Variants in SLC24A4 observed in about 807,000 individuals in gnomAD.
SLC24A4 encodes the protein solute carrier family 24 member 4.
A neutral mutation model predicts 79.0 loss-of-function variants in SLC24A4; 53 were observed. The observed-to-expected ratio is 0.67, with a 90% CI of 0.54 to 0.84. The LOEUF is 0.84. Ranked by LOEUF, SLC24A4 falls within the 40% of genes least tolerant of loss-of-function variation. The probability of loss-of-function intolerance (pLI) is 0.00; values close to 1 mark genes in which losing one functional copy is unlikely to be tolerated. For synonymous variants in SLC24A4, 323 were observed against 323.8 expected (o/e 1.00, Z 0.03); for missense variants, 731 against 822.0 (o/e 0.89, Z 1.35).
At chr14:92,439,126 C>T (rs1466235502) in intron 3 of SLC24A4, among the ~76,000 whole-genome samples, 1 of 152,216 alleles carries the variant, frequency 6.6e-6, no homozygotes, top group South Asian at 2.1e-4. Flanking sequence ...CTCTACTGCT[C>T]AGCATGTTAT....
At chr14:92,444,707 T>C (rs1435403434) in intron 7 of SLC24A4, among the ~76,000 whole-genome samples, 1 of 152,014 alleles carries the variant, frequency 6.6e-6, no homozygotes. Context: ...GTATAAAAAT[T>C]AGCCGGGTTT....
At position 92,368,346 on chromosome 14, in the gene SLC24A4, C is replaced by A. The variant is rs533283829; in HGVS notation, c.241+42368C>A. 7.2e-5 allele frequency among the ~76,000 whole-genome samples: 11 copies of A among 152,242 alleles called. No homozygotes were observed. In the South Asian group the frequency reaches 2.3e-3, roughly 32 times the overall value. On this transcript the variant is annotated intron_variant, in intron 2 of 16. Transcript: ENST00000532405. The stretch of plus-strand genomic sequence containing the variant: ...TTATAAGACGGGGGCTCCAGTATGA[C>A]GTTGAAAGGATAGGAGACATCCATC...
At chr14:92,402,224 G>A (rs780727106) in intron 2 of SLC24A4, among the ~76,000 whole-genome samples, 1 of 152,142 alleles carries the variant, frequency 6.6e-6, no homozygotes, top group Admixed American at 6.5e-5. Flanking sequence ...AAATACCTCC[G>A]TGAGGCAGGC....
chr14:92,475,741 A>C (rs2139905160), intron 12 of SLC24A4, among the ~76,000 whole-genome samples: 1 of 152,322 alleles, frequency 6.6e-6, no homozygotes, highest in Admixed American at 6.5e-5. Context: ...ACCATGACCT[A>C]CAGGAATATT....
chr14:92,483,651 C>G, intron 13 of SLC24A4: 1 of 1,076,522 alleles, frequency 9.3e-7, no homozygotes, highest in Non-Finnish European at 1.3e-6. Context: ...TGGGCTGGGT[C>G]AGGCCACACA....
intron 2 of SLC24A4, among the ~76,000 whole-genome samples, chr14:92,410,479 C>A (rs554744198): frequency 6.6e-6 from 1 of 152,284 alleles, no homozygotes; most frequent in Admixed American, 6.5e-5. Flanking sequence ...CATACTTTGC[C>A]AGAGCCTAGT....
At chr14:92,435,874 T>G (rs1300100912) in intron 3 of SLC24A4, among the ~76,000 whole-genome samples, 1 of 152,196 alleles carries the variant, frequency 6.6e-6, no homozygotes, top group East Asian at 1.9e-4. Context: ...TAAGGGACTG[T>G]GGATGTGGCT....
At chr14:92,480,621 G>A (rs4904936) in intron 12 of SLC24A4, among the ~76,000 whole-genome samples, 138,390 of 152,196 alleles carry the variant, frequency 0.91, 63,900 homozygotes, top group Non-Finnish European at 0.99. Context: ...GGTATTTTAC[G>A]GCTATGCATT....
intron 9 of SLC24A4, among the ~76,000 whole-genome samples, chr14:92,448,645 C>T (rs902202406): frequency 6.6e-6 from 1 of 152,134 alleles, no homozygotes; most frequent in Non-Finnish European, 1.5e-5. Flanking sequence ...GGGGTGATGG[C>T]AGTGCTGGCT....
intron 2 of SLC24A4, among the ~76,000 whole-genome samples, chr14:92,345,666 C>G (rs1886483123): frequency 6.6e-6 from 1 of 151,980 alleles, no homozygotes; most frequent in Non-Finnish European, 1.5e-5. Flanking sequence ...GGTGCCACTG[C>G]ACTGCGGCCT....
At chr14:92,392,445 G>T (rs1323316706) in intron 2 of SLC24A4, among the ~76,000 whole-genome samples, 3 of 151,972 alleles carry the variant, frequency 2.0e-5, no homozygotes, top group African/African-American at 7.3e-5. Flanking sequence ...GGCCCTGATT[G>T]CTCTGTTGTA....
chr14:92,404,533 A>G (rs1186276648), intron 2 of SLC24A4, among the ~76,000 whole-genome samples: 5 of 152,104 alleles, frequency 3.3e-5, no homozygotes, highest in Non-Finnish European at 5.9e-5. Flanking sequence ...TTTCTCCAAC[A>G]CAGCAGCATG....
At chr14:92,468,135 C>A (rs894177012) in intron 12 of SLC24A4, among the ~76,000 whole-genome samples, 1 of 152,050 alleles carries the variant, frequency 6.6e-6, no homozygotes, top group Non-Finnish European at 1.5e-5. Flanking sequence ...CATTAACAAT[C>A]TGAAAATGAT....
At position 92,500,988 on chromosome 14, in the gene SLC24A4, T is replaced by G. The variant is rs767068328; in HGVS notation, c.*7360T>G. 4.6e-5 allele frequency: 7 copies of G among 152,372 alleles called. No homozygotes were observed. Among genetic ancestry groups the G allele is most frequent in the Non-Finnish European group, 7.3e-5 (5 of 68,056 alleles). 9.4% of individuals were successfully genotyped at this position (152,372 alleles called of 1,614,324 possible). On this transcript the variant is annotated 3_prime_UTR_variant, in exon 17 of 17. Transcript: ENST00000532405. The stretch of plus-strand genomic sequence containing the variant: ...GGGGATGCAGGCTGGGTGTGGTTTC[T>G]GAGGGAACCTACCAAATAGCAGGTA...
rs763958230 is a variant in SLC24A4, at chr14:92,486,820, G to A, written c.1537+40G>A. 8.9e-6 allele frequency: 13 copies of A among 1,462,252 alleles called. No homozygotes were observed. The East Asian group carries it at 1.6e-4, about 18-fold the overall frequency. 90.6% of individuals were successfully genotyped at this position (1,462,252 alleles called of 1,614,324 possible). ...CCAGCCCTCATAGTCATGCAGTGCA[G>A]GCCACTGTGTCCTCGTCCCTGCCTG... is the stretch of plus-strand genomic sequence containing the variant. On this transcript the variant is annotated intron_variant, in intron 14 of 16. Transcript: ENST00000532405.
intron 2 of SLC24A4, among the ~76,000 whole-genome samples, chr14:92,333,075 C>A (rs147184466): frequency 6.6e-6 from 1 of 152,136 alleles, no homozygotes; most frequent in Non-Finnish European, 1.5e-5. Context: ...TCTAACACTG[C>A]CTTTATCCCC....
At chr14:92,385,289 G>T (rs1889087478) in intron 2 of SLC24A4, among the ~76,000 whole-genome samples, 1 of 152,052 alleles carries the variant, frequency 6.6e-6, no homozygotes, top group Non-Finnish European at 1.5e-5. Flanking sequence ...GGCGGATCAC[G>T]AGGCCAGGAG....
At chr14:92,344,226 T>C (rs1886395512) in intron 2 of SLC24A4, among the ~76,000 whole-genome samples, 1 of 152,212 alleles carries the variant, frequency 6.6e-6, no homozygotes, top group East Asian at 1.9e-4. Flanking sequence ...CTCTTGCCGT[T>C]TTCCTTTTCC....
rs116113004 is a variant in SLC24A4 at position 92,388,391 on chromosome 14, G to A, written c.242-45521G>A. Reference sequence around the variant, plus strand: ...CCAGGACCTGGGAGTGAGGTCTGTGGTTCTGTGGCTGCCGGTGCTCAGTCT... The same window carrying A: ...CCAGGACCTGGGAGTGAGGTCTGTGATTCTGTGGCTGCCGGTGCTCAGTCT... On this transcript the variant is annotated intron_variant, in intron 2 of 16. Transcript: ENST00000532405. Among the ~76,000 whole-genome samples, 1,048 of 152,310 alleles carry A rather than the reference G, an allele frequency of 6.9e-3. 11 individuals carry two copies. Among genetic ancestry groups the A allele is most frequent in the African/African-American group, 0.024 (983 of 41,566 alleles).
Sources: allele counts gnomAD v4.1 joint callset (sites outside exome capture counted in the v4.1 genomes callset), GRCh38; gene constraint gnomAD v4.1.1; transcripts MANE v1.5; gene names NCBI Gene and HGNC (gene_info 2026-07-23, HGNC 2026-07-21).